The following MROH9 variants were observed in gnomAD, a reference collection of about 807,000 sequenced individuals.
MROH9 encodes the protein maestro heat-like repeat-containing protein family member 9.
A neutral mutation model predicts 98.2 loss-of-function variants in MROH9; 92 were observed. The ratio of observed to expected loss-of-function variants is 0.94; its 90% confidence interval spans 0.79 to 1.11. MROH9 has a LOEUF of 1.11. MROH9 is among the 50% of genes most tolerant of loss of function. The pLI, the probability that MROH9 is intolerant of heterozygous loss-of-function variation, is 0.00. For synonymous variants in MROH9, 397 were observed against 368.9 expected, an observed-to-expected ratio of 1.08 and a Z score of -0.87; for missense variants, 1,057 against 1,014.8, an observed-to-expected ratio of 1.04 and a Z score of -0.57.
chr1:171,046,714 T>C (rs74572855), intron 20 of MROH9, among the ~76,000 whole-genome samples: 1,989 of 152,308 alleles, frequency 0.013, 42 homozygotes, highest in African/African-American at 0.045. Context: ...GTCACAGTGT[T>C]ATAATATTCT....
chr1:171,049,303 G>T (rs1653578207), intron 20 of MROH9, among the ~76,000 whole-genome samples: 1 of 152,144 alleles, frequency 6.6e-6, no homozygotes, highest in African/African-American at 2.4e-5. Context: ...CTGAATCACT[G>T]ACTCCACTAC....
intron 16 of MROH9, among the ~76,000 whole-genome samples, chr1:171,014,806 C>T (rs1652273121): frequency 1.3e-5 from 2 of 152,176 alleles, no homozygotes. Context: ...GTTCTTGAAC[C>T]AGCAGTATCA....
In MROH9 at chr1:170,983,458, A is replaced by G. The variant is rs752904080; in HGVS notation, c.653A>G (p.His218Arg). The G allele has an allele frequency of 6.2e-7, 1 of 1,613,290 alleles. No individual in the cohort carries two copies. Among genetic ancestry groups the G allele is most frequent in the South Asian group, 1.1e-5 (1 of 91,048 alleles). The change falls in exon 9 of 22, where the codon CAT (histidine) becomes CGT (arginine). Residue 218 changes from histidine to arginine, a missense_variant. Physicochemically the swap from His to Arg is conservative, Grantham distance 29. Coordinates refer to ENST00000367759, the MANE Select transcript of MROH9 (RefSeq NM_001163629.2). ...AATAAGCCTACAAACGGTAAAAGTCATAGCCTCCAGTTTCCTTCTTCTGAT... is the reference window on the plus strand; with the variant it reads ...AATAAGCCTACAAACGGTAAAAGTCGTAGCCTCCAGTTTCCTTCTTCTGAT... ...GTNKPTNGKSHSLQFPSSDVE... is the reference protein window; with the variant it reads ...GTNKPTNGKSRSLQFPSSDVE...
intron 20 of MROH9, among the ~76,000 whole-genome samples, chr1:171,054,533 G>T (rs1653769300): frequency 6.6e-6 from 1 of 152,060 alleles, no homozygotes; most frequent in South Asian, 2.1e-4. Flanking sequence ...AAACAGATGG[G>T]ACTTAACTAA....
chr1:170,949,466 G>A (rs970318909), intron 3 of MROH9, among the ~76,000 whole-genome samples: 8 of 152,000 alleles, frequency 5.3e-5, no homozygotes, highest in African/African-American at 1.4e-4. Context: ...AAACCTTGGT[G>A]ACTTACTTAA....
intron 17 of MROH9, among the ~76,000 whole-genome samples, chr1:171,022,393 T>C (rs963130446): frequency 3.3e-5 from 5 of 152,162 alleles, no homozygotes; most frequent in Non-Finnish European, 7.3e-5. Flanking sequence ...GTGGTATATA[T>C]ACACCGTGGA....
chr1:171,019,544 C>T (rs952992179), intron 17 of MROH9, among the ~76,000 whole-genome samples: 1 of 151,732 alleles, frequency 6.6e-6, no homozygotes, highest in African/African-American at 2.4e-5. Context: ...CCCAGCTACT[C>T]GGAAGGCTGA....
chr1:170,998,513 T>A, intron 15 of MROH9: 1 of 1,451,094 alleles, frequency 6.9e-7, no homozygotes, highest in Non-Finnish European at 9.0e-7. Context: ...GGGGTGTGAA[T>A]TTGTACAAAA....
In MROH9 at chr1:171,052,419, G is replaced by A. The variant is rs562113261; in HGVS notation, c.2282-9713G>A. The stretch of plus-strand genomic sequence containing the variant: ...CAGTGATGTGCCTGTGTGTGGAGTA[G>A]AGAAACCTCCACTACCCTAAGTTCT... On this transcript the variant is annotated intron_variant, in intron 20 of 21. Coordinates refer to ENST00000367759, the MANE Select transcript of MROH9 (RefSeq NM_001163629.2). 3.3e-5 allele frequency among the ~76,000 whole-genome samples: 5 copies of A among 152,260 alleles called. No individual in the cohort carries two copies. In the South Asian group the frequency reaches 1.0e-3, roughly 32 times the overall value.
chr1:171,055,288 TTA>T (rs1192175696), intron 20 of MROH9, among the ~76,000 whole-genome samples: 1 of 152,090 alleles, frequency 6.6e-6, no homozygotes, highest in Non-Finnish European at 1.5e-5. Context: ...GTGTTCTCAC[TTA>T]TAAGTGGGAG....
rs1401634885 is a variant in MROH9 at position 171,024,550 on chromosome 1, A to T, written c.2061+3A>T. The stretch of plus-strand genomic sequence containing the variant: ...ATGATGATAAAAGAGTAGCTGAAGT[A>T]AGTCATTTGATCTTCTTTTTCATAA... On this transcript the variant is annotated splice_donor_region_variant and intron_variant, in intron 18 of 21. Coordinates refer to ENST00000367759, the MANE Select transcript of MROH9 (RefSeq NM_001163629.2). The T allele has an allele frequency of 6.6e-7, 1 of 1,526,552 alleles. No homozygotes were observed. Among genetic ancestry groups the T allele is most frequent in the African/African-American group, 1.4e-5 (1 of 71,770 alleles). The allele number at this position is 1,526,552 out of a possible 1,614,324, so 94.6% of individuals were successfully genotyped here.
Position 171,016,088 on chromosome 1 carries a change from A to G in MROH9, c.1735-75A>G, listed in dbSNP as rs1007345794. On this transcript the variant is annotated intron_variant, in intron 16 of 21. Coordinates refer to ENST00000367759, the MANE Select transcript of MROH9 (RefSeq NM_001163629.2). ...ACACCATGATGTGCCGCCCAGACTC[A>G]AGGTATCCATATAAATGTCAGCTCA... 1.3e-5 allele frequency: 14 copies of G among 1,044,018 alleles called. No individual in the cohort carries two copies. The African/African-American group carries it at 1.8e-4, about 14-fold the overall frequency. The allele number at this position is 1,044,018 out of a possible 1,614,324, so 64.7% of individuals were successfully genotyped here.
At chr1:171,055,011 C>A in intron 20 of MROH9, among the ~76,000 whole-genome samples, 1 of 150,650 alleles carries the variant, frequency 6.6e-6, no homozygotes. Context: ...GGGTAACTAC[C>A]CAGAGGAAAA....
intron 15 of MROH9, among the ~76,000 whole-genome samples, chr1:171,000,895 T>A (rs1283896575): frequency 6.6e-6 from 1 of 152,182 alleles, no homozygotes; most frequent in Non-Finnish European, 1.5e-5. Flanking sequence ...GGTAATTTTT[T>A]AATTACCGTT....
At chr1:170,938,156 G>A (rs1648973338) in intron 1 of MROH9, among the ~76,000 whole-genome samples, 1 of 152,172 alleles carries the variant, frequency 6.6e-6, no homozygotes, top group Non-Finnish European at 1.5e-5. Flanking sequence ...TGTTGACTCA[G>A]AAGCACAAGG....
chr1:171,014,580 A>G (rs889380462), intron 16 of MROH9, among the ~76,000 whole-genome samples: 16 of 152,134 alleles, frequency 1.1e-4, no homozygotes, highest in South Asian at 2.1e-4. Flanking sequence ...ACATACACTC[A>G]TGTGTACACA....
At chr1:170,960,691 TG>T (rs1341001348) in intron 5 of MROH9, among the ~76,000 whole-genome samples, 1 of 152,224 alleles carries the variant, frequency 6.6e-6, no homozygotes, top group Non-Finnish European at 1.5e-5. Flanking sequence ...GGCACTATCT[TG>T]GCTCACTGCA....
At chr1:170,965,667 T>C (rs929742821) in intron 7 of MROH9, among the ~76,000 whole-genome samples, 7 of 152,122 alleles carry the variant, frequency 4.6e-5, no homozygotes, top group Admixed American at 4.6e-4. Context: ...TTGTGAAACA[T>C]GCTAGAGGTA....
At chr1:170,946,631 T>C (rs1159693804) in intron 2 of MROH9, among the ~76,000 whole-genome samples, 1 of 151,986 alleles carries the variant, frequency 6.6e-6, no homozygotes, top group Non-Finnish European at 1.5e-5. Context: ...ATTTACTGTC[T>C]TTGCAACTTT....
Sources: allele counts gnomAD v4.1 joint callset (sites outside exome capture counted in the v4.1 genomes callset), GRCh38; gene constraint gnomAD v4.1.1; transcripts MANE v1.5; gene names NCBI Gene and HGNC (gene_info 2026-07-23, HGNC 2026-07-21).